Variants in CACNA1C observed in about 807,000 individuals in gnomAD.
The protein encoded by CACNA1C is calcium voltage-gated channel subunit alpha1 C.
A neutral mutation model predicts 229.0 loss-of-function variants in CACNA1C; 30 were observed. The ratio of observed to expected loss-of-function variants is 0.13; its 90% CI spans 0.10 to 0.18. The LOEUF is 0.18. Among genes scored for constraint, CACNA1C ranks in the 10% least tolerant of loss-of-function variants. CACNA1C has a pLI of 1.00. For synonymous variants in CACNA1C, 1,114 were observed against 1,132.5 expected, an observed-to-expected ratio of 0.98 and a Z score of 0.33; for missense variants, 1,658 against 2,845.0, an observed-to-expected ratio of 0.58 and a Z score of 9.49.
chr12:2,056,831 A>T (rs753965284), intron 1 of CACNA1C, among the ~76,000 whole-genome samples: 5 of 152,166 alleles, frequency 3.3e-5, no homozygotes, highest in Non-Finnish European at 7.4e-5. Context: ...TATTAAAAAG[A>T]GTCAATTTTT....
At chr12:2,629,008 A>G (rs1032079528) in intron 29 of CACNA1C, among the ~76,000 whole-genome samples, 1 of 152,170 alleles carries the variant, frequency 6.6e-6, no homozygotes, top group Non-Finnish European at 1.5e-5. Flanking sequence ...GGATTTTTTT[A>G]AAATACTTCC....
At chr12:2,115,654 G>A (rs1229837518) in intron 2 of CACNA1C, 109 bp downstream of exon 2, 19 of 1,032,922 alleles carry the variant, frequency 1.8e-5, no homozygotes, top group Middle Eastern at 2.1e-4. Flanking sequence ...GGCTACAAAC[G>A]GGGCCTCGGG....
intron 3 of CACNA1C, among the ~76,000 whole-genome samples, chr12:2,379,269 C>T (rs1156585667): frequency 1.3e-5 from 2 of 152,172 alleles, no homozygotes; most frequent in Non-Finnish European, 2.9e-5. Flanking sequence ...ACATGCAGTA[C>T]AATTTGTCCA....
intron 3 of CACNA1C, among the ~76,000 whole-genome samples, chr12:2,290,010 CT>C (rs2093300332): frequency 6.6e-6 from 1 of 152,176 alleles, no homozygotes; most frequent in African/African-American, 2.4e-5. Flanking sequence ...AGTAATAAAG[CT>C]TGGGTGGAAT....
intron 1 of CACNA1C, chr12:2,004,481 A>G (rs772215434): frequency 8.4e-6 from 13 of 1,551,026 alleles, no homozygotes; most frequent in African/African-American, 6.8e-5. Flanking sequence ...GCCACTCTCA[A>G]TAGATCGCAG....
At chr12:2,015,487 G>A (rs937678619) in intron 1 of CACNA1C, among the ~76,000 whole-genome samples, 2 of 152,210 alleles carry the variant, frequency 1.3e-5, no homozygotes, top group African/African-American at 4.8e-5. Context: ...TTATTGCCAA[G>A]ATAGGTGGCT....
intron 3 of CACNA1C, among the ~76,000 whole-genome samples, chr12:2,418,306 C>T (rs935514500): frequency 6.6e-6 from 1 of 152,174 alleles, no homozygotes; most frequent in Non-Finnish European, 1.5e-5. Flanking sequence ...GCTATAAATA[C>T]AACAGGTGCA....
At position 2,691,127 on chromosome 12, in the gene CACNA1C, C is replaced by T. The variant is rs201757619; in HGVS notation, c.6345C>T (p.Gly2115=). 7 of 1,608,820 alleles carry T rather than the reference C, an allele frequency of 4.4e-6. No individual in the cohort carries two copies. The African/African-American group carries it at 6.7e-5, about 15-fold the overall frequency. The stretch of plus-strand genomic sequence containing the variant: ...GAGCCGGGGGCGAAGAGGACGCGGG[C>T]TGTGTGCGCGCGCGGGGTCGACCGA... ...QDRAGGEEDA[G]CVRARGRPSE... Residue 2115 remains glycine, a synonymous_variant, in exon 47 of 47, where the codon GGC becomes GGT. Coordinates refer to ENST00000399655, the MANE Select transcript of CACNA1C (RefSeq NM_000719.7).
At chr12:2,434,751 A>C (rs888205823) in intron 3 of CACNA1C, among the ~76,000 whole-genome samples, 1 of 152,126 alleles carries the variant, frequency 6.6e-6, no homozygotes, top group Non-Finnish European at 1.5e-5. Flanking sequence ...ATGAAGTCTG[A>C]AGGCCACGTT....
At position 2,176,309 on chromosome 12, in the gene CACNA1C, A is replaced by G. The variant is rs569899181; in HGVS notation, c.477+55879A>G. ...GGGGAAGATGGTAGGAGACGGGCCT[A>G]GAGAGGTGGTTGCAGGGGCAGACCA... On this transcript the variant is annotated intron_variant, in intron 3 of 46. Transcript: ENST00000399655. Among the ~76,000 whole-genome samples the G allele has an allele frequency of 9.2e-5, 14 of 152,176 alleles. No homozygotes were observed. The East Asian group carries it at 2.7e-3, about 30-fold the overall frequency.
At chr12:2,596,078 C>T (rs1285670718) in intron 20 of CACNA1C, 75 bp downstream of exon 20, 3 of 1,429,514 alleles carry the variant, frequency 2.1e-6, no homozygotes, top group Non-Finnish European at 2.8e-6. Context: ...TTGCTGACAT[C>T]ATTGTTCAAT....
At chr12:2,648,345 C>G in intron 30 of CACNA1C, 130 bp from the exon 31 acceptor site, 1 of 849,230 alleles carries the variant, frequency 1.2e-6, no homozygotes, top group South Asian at 1.4e-5. Context: ...TACGCTTTCA[C>G]GTTTCTTTCA....
intron 9 of CACNA1C, among the ~76,000 whole-genome samples, chr12:2,526,714 C>T (rs1029826005): frequency 1.3e-5 from 2 of 152,182 alleles, no homozygotes; most frequent in African/African-American, 4.8e-5. Flanking sequence ...GAATGGTCTC[C>T]GGTGAAGGTA....
In CACNA1C at chr12:2,067,260, C is replaced by T. The variant is rs762533742; in HGVS notation, c.49+13649C>T. 3.3e-5 allele frequency among the ~76,000 whole-genome samples: 5 copies of T among 152,072 alleles called. No homozygotes were observed. Among genetic ancestry groups the T allele is most frequent in the Non-Finnish European group, 7.4e-5 (5 of 68,014 alleles). On this transcript the variant is annotated intron_variant, in intron 1 of 46. Coordinates refer to ENST00000399655, the MANE Select transcript of CACNA1C (RefSeq NM_000719.7). This position sits in a 1 kb window ranked among gnomAD's most constrained non-coding sequence, Gnocchi z 5.3. ...TGGGAGTCAGGGAGTCTGAATCCCC[C>T]AGCCTGCCTCCATCCCAGGTGGATT...
chr12:2,300,682 G>A (rs772868884), intron 3 of CACNA1C, among the ~76,000 whole-genome samples: 9 of 152,204 alleles, frequency 5.9e-5, no homozygotes, highest in Admixed American at 2.0e-4. Context: ...GGAATTGGCC[G>A]TCTGGTCTGG....
At chr12:2,659,541 G>A (rs112311750) in intron 34 of CACNA1C, among the ~76,000 whole-genome samples, 7,217 of 151,992 alleles carry the variant, frequency 0.047, 521 homozygotes, top group African/African-American at 0.16. Flanking sequence ...TGAGGGCCAG[G>A]GCACCAGATC....
intron 43 of CACNA1C, among the ~76,000 whole-genome samples, chr12:2,685,256 G>A (rs1244499411): frequency 6.6e-6 from 1 of 150,774 alleles, no homozygotes; most frequent in Non-Finnish European, 1.5e-5. Flanking sequence ...CTGAGTGACC[G>A]TAGAGTGGTT....
At chr12:2,596,531 C>A (rs2068276492) in intron 20 of CACNA1C, among the ~76,000 whole-genome samples, 1 of 152,226 alleles carries the variant, frequency 6.6e-6, no homozygotes, top group Non-Finnish European at 1.5e-5. Flanking sequence ...CAAGTCCCAA[C>A]CAAGTGGGCA....
chr12:2,193,091 G>A (rs1290170653), intron 3 of CACNA1C, among the ~76,000 whole-genome samples: 1 of 152,228 alleles, frequency 6.6e-6, no homozygotes, highest in Non-Finnish European at 1.5e-5. Flanking sequence ...TGGAGTGAGG[G>A]GAGAACATCA....
Sources: gnomAD v4.1 joint callset for allele counts (sites outside exome capture counted in the v4.1 genomes callset) on GRCh38, gnomAD v4.1.1 for gene constraint, Gnocchi (gnomAD v3.1) non-coding constraint, MANE v1.5 for transcripts, NCBI Gene and HGNC (gene_info 2026-07-23, HGNC 2026-07-21) for gene names.